COL11A1: variants seen among roughly 807,000 people sequenced by gnomAD.
The protein encoded by COL11A1 is collagen alpha-1(XI) chain.
A neutral mutation model predicts 265.2 loss-of-function variants in COL11A1; 74 were observed. The ratio of observed to expected loss-of-function variants is 0.28; its 90% CI spans 0.23 to 0.34. COL11A1 has a LOEUF of 0.34. COL11A1 is among the 10% of genes least tolerant of loss of function. COL11A1 has a pLI of 1.00. For missense variants in COL11A1, 2,165 were observed against 2,263.6 expected, an observed-to-expected ratio of 0.96 and a Z score of 0.88; for synonymous variants, 816 against 727.6, an observed-to-expected ratio of 1.12 and a Z score of -1.96.
chr1:103,065,800 G>C (rs1053894413), intron 4 of COL11A1, among the ~76,000 whole-genome samples: 8 of 151,900 alleles, frequency 5.3e-5, no homozygotes, highest in African/African-American at 7.3e-5. Context: ...ACAGATGTAA[G>C]ATGCTTAATA....
intron 31 of COL11A1, among the ~76,000 whole-genome samples, chr1:102,982,234 A>T (rs1663107620): frequency 6.6e-6 from 1 of 152,000 alleles, no homozygotes; most frequent in African/African-American, 2.4e-5. Context: ...TTCTGTTGTT[A>T]TTCTGTTGCA....
At chr1:103,069,976 C>A (rs930160613) in intron 4 of COL11A1, among the ~76,000 whole-genome samples, 1 of 151,386 alleles carries the variant, frequency 6.6e-6, no homozygotes, top group Non-Finnish European at 1.5e-5. Flanking sequence ...ATGGTTAATG[C>A]CACTTTGAAA....
chr1:103,091,995 C>A (rs1460073544), intron 1 of COL11A1, among the ~76,000 whole-genome samples: 2 of 151,942 alleles, frequency 1.3e-5, no homozygotes. Context: ...TCTTACAATT[C>A]CAGGAAAATT....
chr1:103,097,590 T>TCTC (rs1405290716), intron 1 of COL11A1, among the ~76,000 whole-genome samples: 1 of 151,998 alleles, frequency 6.6e-6, no homozygotes, highest in African/African-American at 2.4e-5. Context: ...TTAATTACTG[T>TCTC]CTCCTCAAGT....
At chr1:102,898,889 CT>C (rs1652794404) in intron 55 of COL11A1, 51 bp downstream of exon 55, 1 of 1,155,772 alleles carries the variant, frequency 8.7e-7, no homozygotes, top group Non-Finnish European at 1.2e-6. Context: ...AATATAATAC[CT>C]TGTATATATA....
chr1:103,057,192 A>G (rs556898418), intron 4 of COL11A1, among the ~76,000 whole-genome samples: 1 of 152,176 alleles, frequency 6.6e-6, no homozygotes, highest in Admixed American at 6.5e-5. Context: ...ATAATATTCT[A>G]AATCCTTTGA....
chr1:103,097,862 T>G (rs1448518637), intron 1 of COL11A1, among the ~76,000 whole-genome samples: 1 of 151,956 alleles, frequency 6.6e-6, no homozygotes, highest in Non-Finnish European at 1.5e-5. Context: ...CTTAACACAG[T>G]GATTAACATA....
In COL11A1 at chr1:102,914,399, C is replaced by T. The variant is rs944444858; in HGVS notation, c.3931G>A (p.Val1311Ile). 1.9e-6 allele frequency: 3 copies of T among 1,606,900 alleles called. No homozygotes were observed. Among genetic ancestry groups the T allele is most frequent in the South Asian group, 2.2e-5 (2 of 89,464 alleles). Residue 1311 changes from valine to isoleucine, a missense_variant, in exon 52 of 67, where the codon GTT becomes ATT. Val to Ile is a conservative substitution (Grantham distance 29). Transcript: ENST00000370096. Reference sequence around the variant, plus strand: ...GGACCAGGATCTCCAGGAAAACCAACAGGACCCTAGAATGACGTTTTGAAA... The same window carrying T: ...GGACCAGGATCTCCAGGAAAACCAATAGGACCCTAGAATGACGTTTTGAAA... ...DDGPKGNPGPVGFPGDPGPPG... is the reference protein window; with the variant it reads ...DDGPKGNPGPIGFPGDPGPPG...
intron 59 of COL11A1, among the ~76,000 whole-genome samples, 164 bp from the exon 60 acceptor site, chr1:102,889,083 A>T (rs1447205541): frequency 6.6e-6 from 1 of 152,202 alleles, no homozygotes; most frequent in Non-Finnish European, 1.5e-5. Context: ...TCTAAAAAAT[A>T]ACTTGTGCAA....
chr1:103,026,154 T>A (rs1234607364), intron 6 of COL11A1, 62 bp downstream of exon 6: 7 of 1,287,104 alleles, frequency 5.4e-6, no homozygotes, highest in Non-Finnish European at 7.9e-6. Context: ...ACAGTCAACA[T>A]AAGGAACCAC....
At chr1:103,033,867 C>T (rs1015427377) in intron 4 of COL11A1, among the ~76,000 whole-genome samples, 1 of 152,084 alleles carries the variant, frequency 6.6e-6, no homozygotes, top group African/African-American at 2.4e-5. Context: ...ATCCTGGACT[C>T]CAGCTATCTT....
chr1:102,955,944 G>T (rs1452271747), intron 41 of COL11A1, among the ~76,000 whole-genome samples: 1 of 152,088 alleles, frequency 6.6e-6, no homozygotes, highest in Middle Eastern at 3.2e-3. Flanking sequence ...ATTGGCATCT[G>T]TTACCAGTTC....
At chr1:102,926,463 TTTTA>T (rs1656610409) in intron 46 of COL11A1, among the ~76,000 whole-genome samples, 1 of 152,174 alleles carries the variant, frequency 6.6e-6, no homozygotes, top group Non-Finnish European at 1.5e-5. Context: ...TATTAGATTA[TTTTA>T]TTTATGTCTA....
At chr1:103,001,626 G>T in intron 24 of COL11A1, 1 of 457,604 alleles carries the variant, frequency 2.2e-6, no homozygotes, top group Non-Finnish European at 3.9e-6. Flanking sequence ...AGAAAGAAAA[G>T]GAGACCTAAA....
At chr1:102,916,290 CT>C (rs972626272) in intron 49 of COL11A1, among the ~76,000 whole-genome samples, 2 of 152,084 alleles carry the variant, frequency 1.3e-5, no homozygotes, top group Non-Finnish European at 2.9e-5. Context: ...ATATGAATGG[CT>C]TTTTTTCTAG....
chr1:103,051,336 C>T (rs898394282), intron 4 of COL11A1, among the ~76,000 whole-genome samples: 2 of 152,176 alleles, frequency 1.3e-5, no homozygotes, highest in Admixed American at 6.5e-5. Context: ...TGCCACCTTG[C>T]AGTTTGATCT....
rs116534223 is a variant in COL11A1, at chr1:103,036,612, A to G, written c.652-5368T>C. Among the ~76,000 whole-genome samples, 465 of 151,658 alleles carry G rather than the reference A, an allele frequency of 3.1e-3. 3 individuals carry two copies. The highest frequency in any genetic ancestry group is 0.011 in the African/African-American group (447 of 41,408). ...AATTCAATAAAAAACTTACAGTCCT[A>G]TTTTTTCCCAGAAGGCATTTTACAG... On this transcript the variant is annotated intron_variant, in intron 4 of 66. Coordinates refer to ENST00000370096, the MANE Select transcript of COL11A1 (RefSeq NM_001854.4).
chr1:102,898,998 T>C lies in COL11A1; in HGVS notation c.4087-4A>G, dbSNP rs137999403. 215 of 1,532,854 alleles carry C rather than the reference T, an allele frequency of 1.4e-4. No homozygotes were observed. The highest frequency in any genetic ancestry group is 1.8e-4 in the Non-Finnish European group (202 of 1,129,182). 95.0% of individuals were successfully genotyped at this position (1,532,854 alleles called of 1,614,324 possible). On this transcript the variant is annotated splice_region_variant and splice_polypyrimidine_tract_variant and intron_variant, in intron 54 of 66. Coordinates refer to ENST00000370096, the MANE Select transcript of COL11A1 (RefSeq NM_001854.4). ...CACCTGCAGCTCCAGGAGGACCCTA[T>C]AGACATAAGATTTATTGTAAAATAT...
At chr1:102,923,232 T>A in intron 47 of COL11A1, 104 bp downstream of exon 47, 1 of 962,124 alleles carries the variant, frequency 1.0e-6, no homozygotes, top group Non-Finnish European at 1.6e-6. Context: ...TATATACACC[T>A]CAATAATATA....
Sources: gnomAD v4.1 joint callset for allele counts (sites outside exome capture counted in the v4.1 genomes callset) on GRCh38, gnomAD v4.1.1 for gene constraint, MANE v1.5 for transcripts, NCBI Gene and HGNC (gene_info 2026-07-23, HGNC 2026-07-21) for gene names.